The following HFM1 variants were observed in gnomAD, a reference collection of about 807,000 sequenced individuals.
HFM1 encodes probable ATP-dependent DNA helicase HFM1.
Under a neutral mutation model 192.1 loss-of-function variants are expected in HFM1, and 169 were observed. The ratio of observed to expected loss-of-function variants is 0.88; its 90% CI spans 0.78 to 1.00. The LOEUF (loss-of-function observed/expected upper bound fraction) is 1.00, where lower values mean the gene tolerates loss of function less well. Among genes scored for constraint, HFM1 ranks in the 50% least tolerant of loss-of-function variants. The probability of loss-of-function intolerance (pLI) is 0.00; values close to 1 mark genes in which losing one functional copy is unlikely to be tolerated. For synonymous variants in HFM1, 525 were observed against 537.8 expected, an observed-to-expected ratio of 0.98 and a Z score of 0.33; for missense variants, 1,661 against 1,668.0, an observed-to-expected ratio of 1.00 and a Z score of 0.07.
intron 20 of HFM1, among the ~76,000 whole-genome samples, chr1:91,336,146 C>T (rs1261424330): frequency 6.7e-6 from 1 of 149,458 alleles, no homozygotes; most frequent in African/African-American, 2.5e-5. Flanking sequence ...CCCTCCTACC[C>T]TCCCCTCCTC....
At chr1:91,341,464 T>C (rs900239811) in intron 20 of HFM1, among the ~76,000 whole-genome samples, 4 of 152,154 alleles carry the variant, frequency 2.6e-5, no homozygotes, top group Non-Finnish European at 5.9e-5. Context: ...TGGCACTAAA[T>C]GCTCACATCA....
intron 30 of HFM1, among the ~76,000 whole-genome samples, chr1:91,287,326 A>G (rs1668114288): frequency 6.6e-6 from 1 of 152,198 alleles, no homozygotes; most frequent in African/African-American, 2.4e-5. Flanking sequence ...GAAGGGGCAG[A>G]CTGCCTCCTC....
chr1:91,345,374 A>G (rs1343890458), intron 19 of HFM1, among the ~76,000 whole-genome samples: 2 of 152,176 alleles, frequency 1.3e-5, no homozygotes, highest in Non-Finnish European at 2.9e-5. Flanking sequence ...GTAGAATAAA[A>G]GAGACAGAAA....
chr1:91,367,452 C>T (rs1455018763), intron 13 of HFM1, among the ~76,000 whole-genome samples: 1 of 152,124 alleles, frequency 6.6e-6, no homozygotes, highest in Non-Finnish European at 1.5e-5. Context: ...TCACCAATAT[C>T]CGCTGTTCTG....
At chr1:91,324,843 C>A in intron 20 of HFM1, 77 bp from the exon 21 acceptor site, 1 of 791,690 alleles carries the variant, frequency 1.3e-6, no homozygotes, top group Non-Finnish European at 2.2e-6. Flanking sequence ...ACAAACATTT[C>A]CTGAGGGGAG....
At chr1:91,390,699 C>T (rs1459194646) in intron 4 of HFM1, among the ~76,000 whole-genome samples, 3 of 152,140 alleles carry the variant, frequency 2.0e-5, no homozygotes, top group African/African-American at 7.2e-5. Flanking sequence ...TGGCACAAGA[C>T]AGGGATGCCC....
At chr1:91,344,675 A>T (rs1424187777) in intron 19 of HFM1, among the ~76,000 whole-genome samples, 1 of 126,530 alleles carries the variant, frequency 7.9e-6, no homozygotes, top group African/African-American at 3.0e-5. Flanking sequence ...TGTAATTTTA[A>T]ATCTTTTTAC....
chr1:91,392,289 C>A (rs1201063346), intron 4 of HFM1, among the ~76,000 whole-genome samples: 1 of 152,158 alleles, frequency 6.6e-6, no homozygotes, highest in Non-Finnish European at 1.5e-5. Flanking sequence ...TATAAAGACA[C>A]GTGCACACGT....
chr1:91,370,270 T>G (rs1408740319), intron 13 of HFM1, among the ~76,000 whole-genome samples: 1 of 152,122 alleles, frequency 6.6e-6, no homozygotes, highest in Non-Finnish European at 1.5e-5. Flanking sequence ...TACCAAAGCC[T>G]GGCAGAGACA....
intron 4 of HFM1, among the ~76,000 whole-genome samples, chr1:91,393,181 AGTGTC>A (rs1175469231): frequency 6.6e-6 from 1 of 152,200 alleles, no homozygotes; most frequent in Admixed American, 6.5e-5. Flanking sequence ...GACCCTTTAC[AGTGTC>A]CATCAGTCCT....
intron 4 of HFM1, among the ~76,000 whole-genome samples, chr1:91,390,445 A>C (rs988855327): frequency 7.9e-5 from 12 of 151,764 alleles, no homozygotes; most frequent in African/African-American, 2.4e-4. Flanking sequence ...GAAAAAAAAA[A>C]AAAGAGAGAA....
intron 20 of HFM1, among the ~76,000 whole-genome samples, chr1:91,340,018 T>C (rs1161270314): frequency 6.6e-6 from 1 of 151,470 alleles, no homozygotes; most frequent in Non-Finnish European, 1.5e-5. Flanking sequence ...ATATTAAGCA[T>C]TTTTTTTGAC....
At chr1:91,364,719 G>GC (rs1156860865) in intron 13 of HFM1, among the ~76,000 whole-genome samples, 2 of 142,184 alleles carry the variant, frequency 1.4e-5, no homozygotes, top group African/African-American at 5.3e-5. Context: ...TGCAAGCTCT[G>GC]CCCCCCGGGG....
At chr1:91,346,813 T>C (rs1159304914) in intron 19 of HFM1, among the ~76,000 whole-genome samples, 1 of 152,152 alleles carries the variant, frequency 6.6e-6, no homozygotes, top group Non-Finnish European at 1.5e-5. Context: ...TATTTTTCAA[T>C]TAAAATTAAG....
intron 20 of HFM1, chr1:91,328,580 T>A (rs1653296193): frequency 3.7e-6 from 6 of 1,609,776 alleles, no homozygotes; most frequent in Non-Finnish European, 5.1e-6. Flanking sequence ...CTGATAGGCA[T>A]GTTCTACCGC....
At chr1:91,406,149 G>A (rs918848649), upstream of HFM1, among the ~76,000 whole-genome samples, 4 of 152,220 alleles carry the variant, frequency 2.6e-5, no homozygotes, top group African/African-American at 9.6e-5. Context: ...GGATACAGGA[G>A]GACGGTATCT....
chr1:91,281,076 T>C (rs112528724), intron 30 of HFM1, among the ~76,000 whole-genome samples: 5 of 152,094 alleles, frequency 3.3e-5, no homozygotes, highest in African/African-American at 1.2e-4. Flanking sequence ...GTGAAAAACG[T>C]CACCATATAG....
At chr1:91,399,061 A>C (rs1382413784) in intron 2 of HFM1, among the ~76,000 whole-genome samples, 1 of 152,160 alleles carries the variant, frequency 6.6e-6, no homozygotes, top group Admixed American at 6.5e-5. Context: ...CGATATCTAC[A>C]TGCAGAAGTT....
chr1:91,369,248 C>G (rs1659827736), intron 13 of HFM1, among the ~76,000 whole-genome samples: 2 of 152,268 alleles, frequency 1.3e-5, no homozygotes, highest in East Asian at 1.9e-4. Context: ...ACCAACCAGA[C>G]CTAATAGACA....
Sources: gnomAD v4.1 joint callset for allele counts (sites outside exome capture counted in the v4.1 genomes callset) on GRCh38, gnomAD v4.1.1 for gene constraint, MANE v1.5 for transcripts, NCBI Gene and HGNC (gene_info 2026-07-23, HGNC 2026-07-21) for gene names.